Variants in CACNA1D observed in about 807,000 individuals in gnomAD.
CACNA1D encodes calcium voltage-gated channel subunit alpha1 D.
A neutral mutation model predicts 257.1 loss-of-function variants in CACNA1D; 55 were observed. That is an observed-to-expected ratio of 0.21 (90% CI 0.17 to 0.27). CACNA1D has a LOEUF of 0.27. Among genes scored for constraint, CACNA1D ranks in the 10% least tolerant of loss-of-function variants. The pLI is 1.00. For synonymous variants in CACNA1D, 980 were observed against 1,014.9 expected, an observed-to-expected ratio of 0.97 and a Z score of 0.65; for missense variants, 1,876 against 2,784.0, an observed-to-expected ratio of 0.67 and a Z score of 7.34.
intron 3 of CACNA1D, among the ~76,000 whole-genome samples, chr3:53,650,553 CGAAAA>C (rs1272904686): frequency 6.6e-6 from 1 of 152,230 alleles, no homozygotes; most frequent in Non-Finnish European, 1.5e-5. Flanking sequence ...CAGCCTGGAA[CGAAAA>C]GTGTTGCACA....
At chr3:53,803,313 G>A (rs2095545536) in intron 43 of CACNA1D, 110 bp from the exon 44 acceptor site, 1 of 1,212,110 alleles carries the variant, frequency 8.3e-7, no homozygotes. Flanking sequence ...TGCGCGCTGG[G>A]AGAAGCCAGG....
At chr3:53,514,365 C>T (rs997701670) in intron 3 of CACNA1D, among the ~76,000 whole-genome samples, 6 of 149,362 alleles carry the variant, frequency 4.0e-5, no homozygotes, top group Non-Finnish European at 5.9e-5. Context: ...GGGGAGCTGA[C>T]GGCAGAACCT....
In CACNA1D at chr3:53,501,737, T is replaced by A. The variant is rs138356667; in HGVS notation, c.483+17T>A. On this transcript the variant is annotated intron_variant, in intron 3 of 47. Coordinates refer to ENST00000350061, the MANE Select transcript of CACNA1D (RefSeq NM_001128840.3). ...CATAACTTGGTAAGTGTCCTTAGAG[T>A]TCCTGCTGGTCCTGGTATATGGTTA... 240 of 1,300,244 alleles carry A rather than the reference T, an allele frequency of 1.8e-4. 1 individual carries two copies. In the East Asian group the frequency reaches 5.5e-3, roughly 30 times the overall value. The allele number at this position is 1,300,244 out of a possible 1,614,324, so 80.5% of individuals were successfully genotyped here.
chr3:53,717,244 C>G (rs1280026876), intron 9 of CACNA1D, among the ~76,000 whole-genome samples: 2 of 152,190 alleles, frequency 1.3e-5, no homozygotes, highest in Non-Finnish European at 1.5e-5. Flanking sequence ...CAGAATTAAT[C>G]CTTCTTTACT....
chr3:53,507,589 G>A (rs1481224543), intron 3 of CACNA1D, among the ~76,000 whole-genome samples: 1 of 152,164 alleles, frequency 6.6e-6, no homozygotes, highest in Non-Finnish European at 1.5e-5. Context: ...CTGTACTCTA[G>A]CCTGGGTGAC....
intron 34 of CACNA1D, among the ~76,000 whole-genome samples, 168 bp from the exon 35 acceptor site, chr3:53,775,717 TA>T (rs1424235926): frequency 3.3e-5 from 5 of 152,224 alleles, no homozygotes; most frequent in African/African-American, 1.2e-4. Context: ...GTTACTGTGA[TA>T]AGTTGCACGT....
chr3:53,611,853 A>G (rs910142814), intron 3 of CACNA1D, among the ~76,000 whole-genome samples: 2 of 152,210 alleles, frequency 1.3e-5, no homozygotes, highest in Non-Finnish European at 2.9e-5. Flanking sequence ...TGTTACAATC[A>G]CACAACTCTC....
intron 8 of CACNA1D, among the ~76,000 whole-genome samples, chr3:53,698,458 T>C (rs2094592202): frequency 6.6e-6 from 1 of 152,256 alleles, no homozygotes; most frequent in South Asian, 2.1e-4. Context: ...CGTCAAATAT[T>C]CATGAGCTAT....
At chr3:53,794,684 G>T (rs770515518) in intron 40 of CACNA1D, among the ~76,000 whole-genome samples, 1 of 152,182 alleles carries the variant, frequency 6.6e-6, no homozygotes, top group African/African-American at 2.4e-5. Flanking sequence ...AAATTAAAAC[G>T]GAGCAGTTTT....
chr3:53,609,889 A>G (rs551170213), intron 3 of CACNA1D, among the ~76,000 whole-genome samples: 181 of 152,344 alleles, frequency 1.2e-3, no homozygotes, highest in African/African-American at 4.2e-3. Flanking sequence ...AATATTGGCT[A>G]TACATTTCCC....
chr3:53,706,096 G>A (rs1169047437), intron 9 of CACNA1D, among the ~76,000 whole-genome samples: 1 of 152,198 alleles, frequency 6.6e-6, no homozygotes, highest in South Asian at 2.1e-4. Context: ...CTGCTCCTCT[G>A]TTACCTCTTG....
rs566241268 is a variant in CACNA1D, at chr3:53,608,760, A to G, written c.484-42019A>G. On this transcript the variant is annotated intron_variant, in intron 3 of 47. Coordinates refer to ENST00000350061, the MANE Select transcript of CACNA1D (RefSeq NM_001128840.3). Reference sequence around the variant, plus strand: ...ATATGGTTTTCTTTTTTATTCCACTAATATAGTAAATAGCATTAATTGATT... The same window carrying G: ...ATATGGTTTTCTTTTTTATTCCACTGATATAGTAAATAGCATTAATTGATT... 3.3e-4 allele frequency among the ~76,000 whole-genome samples: 51 copies of G among 152,284 alleles called. No individual in the cohort carries two copies. The South Asian group carries it at 9.3e-3, about 28-fold the overall frequency.
At chr3:53,724,088 A>C in intron 14 of CACNA1D, 89 bp downstream of exon 14, 1 of 1,060,266 alleles carries the variant, frequency 9.4e-7, no homozygotes, top group East Asian at 2.4e-5. Flanking sequence ...TCAGGAAGAC[A>C]AAAGGACTCC....
intron 47 of CACNA1D, chr3:53,810,550 G>A (rs966971058): frequency 9.5e-6 from 5 of 527,738 alleles, no homozygotes; most frequent in South Asian, 4.0e-5. Flanking sequence ...TGAGGTCAGC[G>A]GCTCAAAGAC....
intron 4 of CACNA1D, among the ~76,000 whole-genome samples, chr3:53,651,463 C>T (rs534417922): frequency 1.5e-5 from 2 of 136,924 alleles, no homozygotes; most frequent in South Asian, 2.4e-4. Context: ...GATAATGTCA[C>T]GTATCTGGCA....
At chr3:53,641,949 G>T (rs565408671) in intron 3 of CACNA1D, among the ~76,000 whole-genome samples, 1 of 152,296 alleles carries the variant, frequency 6.6e-6, no homozygotes, top group Non-Finnish European at 1.5e-5. Flanking sequence ...CAACATTTTA[G>T]AGACATGGAG....
At chr3:53,799,010 C>G (rs2095522273) in intron 40 of CACNA1D, among the ~76,000 whole-genome samples, 1 of 152,214 alleles carries the variant, frequency 6.6e-6, no homozygotes, top group South Asian at 2.1e-4. Context: ...GAGGACCCAC[C>G]ACTTAGTCCA....
At chr3:53,563,016 T>C (rs1261886923) in intron 3 of CACNA1D, among the ~76,000 whole-genome samples, 4 of 152,210 alleles carry the variant, frequency 2.6e-5, no homozygotes, top group African/African-American at 9.6e-5. Flanking sequence ...AATTTGCCTA[T>C]ATTTAAAGAT....
intron 3 of CACNA1D, among the ~76,000 whole-genome samples, chr3:53,583,384 G>A (rs1018774101): frequency 6.6e-6 from 1 of 152,156 alleles, no homozygotes; most frequent in African/African-American, 2.4e-5. Flanking sequence ...GCTGAGGGCT[G>A]GGGCTGTCTG....
Sources: gnomAD v4.1 joint callset for allele counts (sites outside exome capture counted in the v4.1 genomes callset) on GRCh38, gnomAD v4.1.1 for gene constraint, MANE v1.5 for transcripts, NCBI Gene and HGNC (gene_info 2026-07-23, HGNC 2026-07-21) for gene names.